Variants in IQCK observed in about 807,000 individuals in gnomAD.
The protein encoded by IQCK is IQ motif containing K, also known as IQ domain-containing protein K.
Under a neutral mutation model 28.1 loss-of-function variants are expected in IQCK, and 29 were observed. The ratio of observed to expected loss-of-function variants is 1.03; its 90% CI spans 0.77 to 1.41. The LOEUF is 1.41. Ranked by LOEUF, IQCK falls within the 40% of genes most tolerant of loss-of-function variation. IQCK has a pLI of 0.00. For synonymous variants in IQCK, 113 were observed against 115.1 expected, an observed-to-expected ratio of 0.98 and a Z score of 0.12; for missense variants, 359 against 314.7, an observed-to-expected ratio of 1.14 and a Z score of -1.07.
chr16:19,786,239 G>A (rs1224218803), intron 6 of IQCK, among the ~76,000 whole-genome samples: 2 of 152,154 alleles, frequency 1.3e-5, no homozygotes, highest in Non-Finnish European at 2.9e-5. Flanking sequence ...CAGTGGATGA[G>A]GAGAGACATT....
At chr16:19,845,401 C>A (rs1227215406) in intron 9 of IQCK, among the ~76,000 whole-genome samples, 3 of 152,204 alleles carry the variant, frequency 2.0e-5, no homozygotes, top group Non-Finnish European at 4.4e-5. Flanking sequence ...TCTAAAGGTT[C>A]AGTTTGGGCA....
chr16:19,745,810 A>G (rs1454872917), intron 4 of IQCK, among the ~76,000 whole-genome samples: 3 of 150,432 alleles, frequency 2.0e-5, no homozygotes, highest in African/African-American at 7.5e-5. Flanking sequence ...GTCCAATTCT[A>G]TCTCACTCAT....
At chr16:19,751,402 C>G (rs563551817) in intron 4 of IQCK, among the ~76,000 whole-genome samples, 2 of 151,954 alleles carry the variant, frequency 1.3e-5, no homozygotes, top group Admixed American at 1.3e-4. Context: ...TGCTTGAGCC[C>G]AAGAGTTTGA....
At chr16:19,785,429 A>C (rs1342968059) in intron 6 of IQCK, among the ~76,000 whole-genome samples, 15 of 152,188 alleles carry the variant, frequency 9.9e-5, no homozygotes. Flanking sequence ...GTCTGGAGGC[A>C]GGGAACCAAA....
chr16:19,812,074 G>A (rs1335132694), intron 7 of IQCK, among the ~76,000 whole-genome samples: 1 of 148,328 alleles, frequency 6.7e-6, no homozygotes, highest in African/African-American at 2.5e-5. Flanking sequence ...TGCAGTCTCT[G>A]CCTCCCGGGT....
chr16:19,831,447 T>C (rs2056232402), downstream of IQCK, among the ~76,000 whole-genome samples: 1 of 152,174 alleles, frequency 6.6e-6, no homozygotes, highest in Admixed American at 6.5e-5. Context: ...GCTCATGCGC[T>C]AGAGTTACTT....
intron 7 of IQCK, among the ~76,000 whole-genome samples, chr16:19,802,969 G>A (rs2055778751): frequency 6.6e-6 from 1 of 152,176 alleles, no homozygotes; most frequent in Non-Finnish European, 1.5e-5. Flanking sequence ...TGAACCTATG[G>A]ATTGTGATGG....
At position 19,760,172 on chromosome 16, in the gene IQCK, C is replaced by A. The variant is rs1321387816; in HGVS notation, c.475-3676C>A. On this transcript the variant is annotated intron_variant, in intron 4 of 7. Coordinates refer to ENST00000564186, the Ensembl canonical transcript of IQCK. ...TTTTTAAAAAGACAATGAGAATGCT[C>A]AGAAAGGCTTGCTGGAGGCATCATG... Among the ~76,000 whole-genome samples the A allele has an allele frequency of 2.0e-5, 3 of 152,128 alleles. No individual in the cohort carries two copies. In the East Asian group the frequency reaches 5.8e-4, roughly 29 times the overall value.
In IQCK at chr16:19,798,687, T is replaced by A. The variant is rs542021016; in HGVS notation, c.690+9765T>A. 1.4e-3 allele frequency among the ~76,000 whole-genome samples: 45 copies of A among 32,552 alleles called. 1 individual carries two copies. Among genetic ancestry groups the A allele is most frequent in the South Asian group, 0.012 (11 of 914 alleles). 21.4% of individuals were successfully genotyped at this position (32,552 alleles called of 152,430 possible). On this transcript the variant is annotated intron_variant, in intron 7 of 7. Transcript: ENST00000564186. Reference sequence around the variant, plus strand: ...AAATTTGTCTAAAACGTATATATATTTTTTAATTGTGCAAGTAATGCATAT... The same window carrying A: ...AAATTTGTCTAAAACGTATATATATATTTTAATTGTGCAAGTAATGCATAT...
chr16:19,767,410 C>T (rs1009297846), intron 6 of IQCK, among the ~76,000 whole-genome samples: 4 of 152,072 alleles, frequency 2.6e-5, no homozygotes, highest in African/African-American at 9.7e-5. Context: ...GATGGAGGAG[C>T]CAGAAGGGCA....
At chr16:19,751,803 A>C (rs953152133) in intron 4 of IQCK, among the ~76,000 whole-genome samples, 2 of 152,038 alleles carry the variant, frequency 1.3e-5, no homozygotes, top group Non-Finnish European at 2.9e-5. Flanking sequence ...CCTGAGATCA[A>C]AATCTGTGGG....
chr16:19,730,536 A>G (rs1221539472), intron 2 of IQCK, 42 bp downstream of exon 2: 1 of 1,453,106 alleles, frequency 6.9e-7, no homozygotes, highest in Non-Finnish European at 9.5e-7. Context: ...GAAGCTCTTA[A>G]ATGAGAATAG....
At chr16:19,754,620 A>T (rs1027496212) in intron 4 of IQCK, among the ~76,000 whole-genome samples, 1 of 145,346 alleles carries the variant, frequency 6.9e-6, no homozygotes, top group African/African-American at 2.8e-5. Context: ...GTAAAATTAC[A>T]GAATTTTTTT....
rs187707969 is a variant in IQCK, at chr16:19,759,510, C to T, written c.475-4338C>T. The stretch of plus-strand genomic sequence containing the variant: ...AGGTGTAAGCCACCATGCCCAGCCT[C>T]AGTGCAGTCAGTTAAGCACTGGGGA... On this transcript the variant is annotated intron_variant, in intron 4 of 7. Coordinates refer to ENST00000564186, the Ensembl canonical transcript of IQCK. Among the ~76,000 whole-genome samples, 484 of 152,170 alleles carry T rather than the reference C, an allele frequency of 3.2e-3. 2 individuals are homozygous for T. Among genetic ancestry groups the T allele is most frequent in the African/African-American group, 0.011 (464 of 41,520 alleles).
At chr16:19,835,345 C>G (rs773372198) in intron 9 of IQCK, among the ~76,000 whole-genome samples, 1 of 152,084 alleles carries the variant, frequency 6.6e-6, no homozygotes, top group Non-Finnish European at 1.5e-5. Flanking sequence ...ATATGCTGTA[C>G]TGTAACTGGC....
chr16:19,735,520 T>C, intron 4 of IQCK, 70 bp downstream of exon 4: 1 of 1,236,794 alleles, frequency 8.1e-7, no homozygotes, highest in Non-Finnish European at 1.2e-6. Flanking sequence ...TGATAGCTCA[T>C]TATCTTGGTA....
At chr16:19,832,412 T>C (rs929755210) in intron 9 of IQCK, among the ~76,000 whole-genome samples, 1 of 152,142 alleles carries the variant, frequency 6.6e-6, no homozygotes, top group African/African-American at 2.4e-5. Flanking sequence ...AGGAAATGAA[T>C]TGTCTACTTT....
At chr16:19,842,502 T>G (rs1466033227) in intron 9 of IQCK, among the ~76,000 whole-genome samples, 1 of 152,222 alleles carries the variant, frequency 6.6e-6, no homozygotes, top group Non-Finnish European at 1.5e-5. Flanking sequence ...ACCATATTAA[T>G]GTACTTTAAC....
chr16:19,730,757 CT>C lies in IQCK; in HGVS notation c.246+265del, dbSNP rs373574611. Among the ~76,000 whole-genome samples the C allele has an allele frequency of 7.5e-3, 899 of 119,194 alleles. 5 individuals are homozygous for C. The highest frequency in any genetic ancestry group is 0.049 in the African/African-American group (823 of 16,842). The allele number at this position is 119,194 out of a possible 152,430, so 78.2% of individuals were successfully genotyped here. On this transcript the variant is annotated intron_variant, in intron 2 of 7. Coordinates refer to ENST00000564186, the Ensembl canonical transcript of IQCK. Reference sequence around the variant, plus strand: ...TCTGTCTGTCTGTCTATCTATCTATCTTATCTTATCTATCTATCTACCTAAT... The same window carrying C: ...TCTGTCTGTCTGTCTATCTATCTATCTATCTTATCTATCTATCTACCTAAT...
Sources: allele counts gnomAD v4.1 joint callset (sites outside exome capture counted in the v4.1 genomes callset), GRCh38; gene constraint gnomAD v4.1.1; transcripts MANE v1.5; gene names NCBI Gene and HGNC (gene_info 2026-07-23, HGNC 2026-07-21).